The following PDIA5 variants were observed in gnomAD, a reference collection of about 807,000 sequenced individuals.
PDIA5 encodes protein disulfide isomerase family A member 5, also known as protein disulfide-isomerase A5.
PDIA5 carries 58 observed loss-of-function variants against 77.6 expected under a neutral mutation model. That is an observed-to-expected ratio of 0.75 (90% CI 0.61 to 0.93). The LOEUF is 0.93. Among genes scored for constraint, PDIA5 ranks in the 40% least tolerant of loss-of-function variants. PDIA5 has a pLI of 0.00. For synonymous variants in PDIA5, 250 were observed against 252.1 expected (o/e 0.99, Z 0.08); for missense variants, 630 against 647.7 (o/e 0.97, Z 0.30).
chr3:123,145,474 G>C (rs752205143), intron 11 of PDIA5, 48 bp from the exon 12 acceptor site: 1 of 1,478,226 alleles, frequency 6.8e-7, no homozygotes, highest in Non-Finnish European at 9.5e-7. Context: ...GGAGCATCCC[G>C]AGGGCCTCTG....
chr3:123,068,569 C>G lies in PDIA5; in HGVS notation c.42+1363C>G, dbSNP rs567377547. Among the ~76,000 whole-genome samples the G allele has an allele frequency of 2.0e-5, 3 of 152,334 alleles. No homozygotes were observed. In the East Asian group the frequency reaches 5.8e-4, roughly 29 times the overall value. ...GAGGGAGCTATCTCCTGAAACGCCC[C>G]CCATCGGTCTTTGCACTTGGGCTGA... On this transcript the variant is annotated intron_variant, in intron 1 of 16. Coordinates refer to ENST00000316218, the MANE Select transcript of PDIA5 (RefSeq NM_006810.4).
chr3:123,108,666 T>A (rs993560580), intron 6 of PDIA5, among the ~76,000 whole-genome samples: 1 of 148,788 alleles, frequency 6.7e-6, no homozygotes, highest in Admixed American at 6.7e-5. Context: ...GGCGGGTGGA[T>A]CACAAGGTCA....
intron 7 of PDIA5, among the ~76,000 whole-genome samples, chr3:123,112,793 C>T (rs1300460167): frequency 6.6e-6 from 1 of 152,058 alleles, no homozygotes; most frequent in African/African-American, 2.4e-5. Flanking sequence ...CTCCTGACCT[C>T]AGGTGATCCA....
chr3:123,146,951 A>G (rs1222713067), intron 13 of PDIA5, among the ~76,000 whole-genome samples: 1 of 152,176 alleles, frequency 6.6e-6, no homozygotes, highest in African/African-American at 2.4e-5. Context: ...CTGGGATTAC[A>G]GGCACATGCC....
In PDIA5 at chr3:123,116,283, G is replaced by T. The variant is rs1385732029; in HGVS notation, c.594G>T (p.Gln198His). 1 of 1,613,634 alleles carries T rather than the reference G, an allele frequency of 6.2e-7. No individual in the cohort carries two copies. The highest frequency in any genetic ancestry group is 8.5e-7 in the Non-Finnish European group (1 of 1,179,912). ...MMPHFQKAATQLRGHAVLAGM... is the reference protein window; with the variant it reads ...MMPHFQKAATHLRGHAVLAGM... Reference sequence around the variant, plus strand: ...CGCATTTCCAGAAGGCTGCGACTCAGCTGCGAGGCCACGCCGTAAGTGAGG... The same window carrying T: ...CGCATTTCCAGAAGGCTGCGACTCATCTGCGAGGCCACGCCGTAAGTGAGG... The change falls in exon 8 of 17, where the codon CAG becomes CAT. Residue 198 changes from glutamine to histidine, a missense_variant. Physicochemically the swap from Gln to His is conservative, Grantham distance 24. Coordinates refer to ENST00000316218, the MANE Select transcript of PDIA5 (RefSeq NM_006810.4).
chr3:123,105,747 A>ATG (rs1560518098), intron 5 of PDIA5, among the ~76,000 whole-genome samples: 2 of 152,002 alleles, frequency 1.3e-5, no homozygotes, highest in African/African-American at 4.8e-5. Flanking sequence ...ACGCACACAC[A>ATG]CACACACACA....
At chr3:123,131,331 A>G (rs1935365544) in intron 11 of PDIA5, among the ~76,000 whole-genome samples, 1 of 151,728 alleles carries the variant, frequency 6.6e-6, no homozygotes, top group Admixed American at 6.6e-5. Context: ...GAGGCAGGAG[A>G]ATCGCTTGAA....
intron 3 of PDIA5, among the ~76,000 whole-genome samples, chr3:123,094,966 A>G (rs193221255): frequency 2.8e-4 from 42 of 152,208 alleles, no homozygotes; most frequent in Non-Finnish European, 3.8e-4. Flanking sequence ...GGGAACAGGG[A>G]GCATCTGGGG....
intron 11 of PDIA5, 23 bp from the exon 12 acceptor site, chr3:123,145,499 T>C: frequency 6.2e-7 from 1 of 1,607,636 alleles, no homozygotes; most frequent in Non-Finnish European, 8.5e-7. Flanking sequence ...ATAAGAATGG[T>C]TTCTCTTGAT....
At chr3:123,093,815 C>T (rs900250700) in intron 3 of PDIA5, among the ~76,000 whole-genome samples, 3 of 152,140 alleles carry the variant, frequency 2.0e-5, no homozygotes, top group Non-Finnish European at 4.4e-5. Context: ...TTCACAGAGG[C>T]GGTCGAGTTC....
intron 7 of PDIA5, among the ~76,000 whole-genome samples, chr3:123,112,354 C>A (rs1934882007): frequency 6.6e-6 from 1 of 151,946 alleles, no homozygotes; most frequent in Non-Finnish European, 1.5e-5. Flanking sequence ...GTTCTGTTTG[C>A]TCATGAAAGC....
chr3:123,124,389 G>A, intron 10 of PDIA5, 46 bp downstream of exon 10: 1 of 1,413,824 alleles, frequency 7.1e-7, no homozygotes, highest in South Asian at 1.1e-5. Flanking sequence ...CCAGAGGGCG[G>A]GGCATCTGCC....
intron 3 of PDIA5, among the ~76,000 whole-genome samples, chr3:123,100,129 G>A (rs1223465400): frequency 2.0e-5 from 3 of 152,232 alleles, no homozygotes; most frequent in Non-Finnish European, 4.4e-5. Flanking sequence ...GAGCATAGCA[G>A]AACAAAGGCC....
chr3:123,146,367 C>A, intron 13 of PDIA5, 108 bp downstream of exon 13: 1 of 909,478 alleles, frequency 1.1e-6, no homozygotes, highest in Non-Finnish European at 1.7e-6. Flanking sequence ...GGGCTCATGC[C>A]CGTAGGAGTC....
intron 6 of PDIA5, among the ~76,000 whole-genome samples, chr3:123,108,617 C>CGG (rs77898414): frequency 1 from 147,227 of 147,252 alleles, 73,602 homozygotes; most frequent in Middle Eastern, 1. Context: ...GGGCCCGGCA[C>CGG]TGGCTCACGC....
intron 10 of PDIA5, among the ~76,000 whole-genome samples, chr3:123,125,666 A>C (rs1389882788): frequency 6.6e-6 from 1 of 152,238 alleles, no homozygotes; most frequent in Non-Finnish European, 1.5e-5. Context: ...TACCAGGAAA[A>C]AAATGCACAT....
At chr3:123,160,560 A>C (rs1372182133) in intron 15 of PDIA5, among the ~76,000 whole-genome samples, 1 of 151,902 alleles carries the variant, frequency 6.6e-6, no homozygotes, top group East Asian at 1.9e-4. Flanking sequence ...CACCTGGACC[A>C]CCTCCCTCAT....
intron 11 of PDIA5, among the ~76,000 whole-genome samples, chr3:123,134,438 G>A (rs1935444018): frequency 6.6e-6 from 1 of 152,182 alleles, no homozygotes; most frequent in African/African-American, 2.4e-5. Context: ...TGGGATGCTT[G>A]TGAGGCTGCC....
chr3:123,079,319 T>C (rs535832181), intron 1 of PDIA5, among the ~76,000 whole-genome samples: 1 of 151,918 alleles, frequency 6.6e-6, no homozygotes, highest in Non-Finnish European at 1.5e-5. Flanking sequence ...TAGCTGGGAC[T>C]ACAGGCGCCC....
Sources: allele counts gnomAD v4.1 joint callset (sites outside exome capture counted in the v4.1 genomes callset), GRCh38; gene constraint gnomAD v4.1.1; transcripts MANE v1.5; gene names NCBI Gene and HGNC (gene_info 2026-07-23, HGNC 2026-07-21).